AFF1: variants seen among roughly 807,000 people sequenced by gnomAD.
AFF1 encodes AF4/FMR2 family member 1.
In AFF1, 48 loss-of-function variants were observed where a neutral mutation model predicts 121.7. The observed-to-expected ratio is 0.39, with a 90% CI of 0.31 to 0.50. AFF1 has a LOEUF of 0.50. AFF1 is among the 20% of genes least tolerant of loss of function. The pLI is 0.76. For synonymous variants in AFF1, 613 were observed against 563.0 expected (o/e 1.09, Z -1.26); for missense variants, 1,523 against 1,511.7 (o/e 1.01, Z -0.12).
chr4:87,115,145 A>G lies in AFF1; in HGVS notation c.2312A>G (p.Lys771Arg). 1 of 1,614,176 alleles carries G rather than the reference A, an allele frequency of 6.2e-7. No homozygotes were observed. The highest frequency in any genetic ancestry group is 8.5e-7 in the Non-Finnish European group (1 of 1,180,036). The change falls in exon 12 of 21, where the codon AAG (lysine) becomes AGG (arginine). Residue 771 changes from lysine to arginine, a missense_variant. Lys to Arg is a conservative substitution (Grantham distance 26). Around this residue, in one of 5 missense-constraint regions of AFF1, gnomAD observed 905 missense variants for 842.5 expected, o/e 1.07. Coordinates refer to ENST00000395146, the MANE Select transcript of AFF1 (RefSeq NM_001166693.3). ...DTPPPQSLMV[K>R]ITLDLLSRIP... ...CCTCCCCCACAAAGCTTGATGGTGA[A>G]GATCACCCTAGACCTGCTCTCTCGG...
intron 5 of AFF1, 87 bp from the exon 6 acceptor site, chr4:87,089,897 C>A: frequency 1.0e-6 from 1 of 965,384 alleles, no homozygotes; most frequent in Non-Finnish European, 1.6e-6. Context: ...ATGATCAATC[C>A]ATTCTACATT....
chr4:86,937,381 A>AATCT (rs1720085428), intron 1 of AFF1, among the ~76,000 whole-genome samples: 1 of 152,210 alleles, frequency 6.6e-6, no homozygotes, highest in South Asian at 2.1e-4. Context: ...CAGAATCACT[A>AATCT]ATCTACTATA....
chr4:87,040,562 C>A (rs1560565025), intron 2 of AFF1, among the ~76,000 whole-genome samples: 2 of 139,654 alleles, frequency 1.4e-5, no homozygotes, highest in African/African-American at 5.7e-5. Flanking sequence ...AATCCCCTCA[C>A]CCTTTTTTTT....
At chr4:87,037,155 A>G (rs1236104518) in intron 2 of AFF1, among the ~76,000 whole-genome samples, 2 of 152,198 alleles carry the variant, frequency 1.3e-5, no homozygotes, top group African/African-American at 4.8e-5. Context: ...TGATGTTGCT[A>G]TAGTATATGA....
At chr4:87,124,194 T>C (rs1197458892) in intron 12 of AFF1, among the ~76,000 whole-genome samples, 1 of 152,250 alleles carries the variant, frequency 6.6e-6, no homozygotes. Flanking sequence ...TTAGTTGGTA[T>C]AAATGGATGC....
intron 10 of AFF1, among the ~76,000 whole-genome samples, 162 bp downstream of exon 10, chr4:87,106,007 T>G (rs1725875352): frequency 6.6e-6 from 1 of 152,224 alleles, no homozygotes; most frequent in Admixed American, 6.5e-5. Context: ...GAAGCTTAAA[T>G]CAGCCATAGG....
At chr4:87,134,963 AT>A (rs1729178365) in intron 20 of AFF1, among the ~76,000 whole-genome samples, 1 of 152,236 alleles carries the variant, frequency 6.6e-6, no homozygotes, top group Non-Finnish European at 1.5e-5. Context: ...CTCTGCTGTC[AT>A]TACTTCAGCC....
chr4:87,132,175 C>A (rs2149801936), intron 18 of AFF1, 96 bp from the exon 19 acceptor site: 2 of 1,450,664 alleles, frequency 1.4e-6, no homozygotes, highest in Non-Finnish European at 1.9e-6. Context: ...ACAGGTGAGG[C>A]AAACCCGGTG....
chr4:86,980,632 T>C (rs932007788), intron 2 of AFF1, among the ~76,000 whole-genome samples: 1 of 152,192 alleles, frequency 6.6e-6, no homozygotes, highest in African/African-American at 2.4e-5. Context: ...GGACAACATG[T>C]ACAATAATGC....
intron 2 of AFF1, among the ~76,000 whole-genome samples, chr4:86,954,866 C>G (rs1482274408): frequency 6.6e-6 from 1 of 152,186 alleles, no homozygotes; most frequent in Non-Finnish European, 1.5e-5. Context: ...AAATCCATGT[C>G]AATGGACTTG....
intron 2 of AFF1, among the ~76,000 whole-genome samples, chr4:86,988,339 C>T (rs1202245233): frequency 6.6e-6 from 1 of 152,100 alleles, no homozygotes; most frequent in African/African-American, 2.4e-5. Context: ...GCCTCCCAGC[C>T]TCTGGTGACC....
chr4:87,062,084 T>C (rs192307983), intron 4 of AFF1, among the ~76,000 whole-genome samples: 7 of 152,336 alleles, frequency 4.6e-5, no homozygotes, highest in Non-Finnish European at 5.9e-5. Flanking sequence ...TGGATTCTTA[T>C]CCTCCTTGTT....
At chr4:86,946,861 G>T (rs1164531725) in intron 1 of AFF1, among the ~76,000 whole-genome samples, 1 of 152,120 alleles carries the variant, frequency 6.6e-6, no homozygotes, top group Admixed American at 6.5e-5. Flanking sequence ...CCCTAGGGGT[G>T]GGTGCTATTG....
At chr4:86,996,820 G>C (rs1294667733) in intron 2 of AFF1, among the ~76,000 whole-genome samples, 1 of 152,272 alleles carries the variant, frequency 6.6e-6, no homozygotes, top group Non-Finnish European at 1.5e-5. Context: ...GAGGTGATTG[G>C]ATCGTGAAGG....
At chr4:86,995,145 A>ATTG (rs1488616164) in intron 2 of AFF1, among the ~76,000 whole-genome samples, 3 of 152,136 alleles carry the variant, frequency 2.0e-5, no homozygotes, top group African/African-American at 7.2e-5. Flanking sequence ...AGGTAGGAGG[A>ATTG]TTGCTTGAGC....
At chr4:87,045,599 TAAA>T (rs1215449310) in intron 2 of AFF1, among the ~76,000 whole-genome samples, 1 of 152,170 alleles carries the variant, frequency 6.6e-6, no homozygotes, top group African/African-American at 2.4e-5. Flanking sequence ...AAATGAGAAA[TAAA>T]AATCATTTTT....
intron 2 of AFF1, among the ~76,000 whole-genome samples, chr4:87,037,287 C>T (rs1308250574): frequency 7.2e-5 from 11 of 152,102 alleles, no homozygotes; most frequent in African/African-American, 2.7e-4. Context: ...TAACATTCTG[C>T]ACCCTAATCC....
chr4:87,060,359 G>A (rs1398506954), intron 4 of AFF1, among the ~76,000 whole-genome samples: 2 of 152,160 alleles, frequency 1.3e-5, no homozygotes, highest in Non-Finnish European at 2.9e-5. Flanking sequence ...TTTAGCATGT[G>A]TGTGTGTATA....
At chr4:87,035,358 G>A (rs1729456380) in intron 2 of AFF1, among the ~76,000 whole-genome samples, 4 of 152,198 alleles carry the variant, frequency 2.6e-5, no homozygotes, top group South Asian at 2.1e-4. Context: ...TCAGGAGATC[G>A]AGACCATCCT....
Sources: allele counts gnomAD v4.1 joint callset (sites outside exome capture counted in the v4.1 genomes callset), GRCh38; gene constraint gnomAD v4.1.1; regional missense constraint gnomAD v4.1.1; transcripts MANE v1.5; gene names NCBI Gene and HGNC (gene_info 2026-07-23, HGNC 2026-07-21).